PDE2A: variants seen among roughly 807,000 people sequenced by gnomAD.
PDE2A encodes the protein phosphodiesterase 2A, also known as cGMP-dependent 3',5'-cyclic phosphodiesterase.
In PDE2A, 53 loss-of-function variants were observed where a neutral mutation model predicts 133.6. The ratio of observed to expected loss-of-function variants is 0.40; its 90% CI spans 0.32 to 0.50. The LOEUF is 0.50. Among genes scored for constraint, PDE2A ranks in the 20% least tolerant of loss-of-function variants. The pLI is 0.73. For synonymous variants in PDE2A, 491 were observed against 490.2 expected, an observed-to-expected ratio of 1.00 and a Z score of -0.02; for missense variants, 796 against 1,232.4, an observed-to-expected ratio of 0.65 and a Z score of 5.30.
intron 1 of PDE2A, chr11:72,659,315 C>G (rs1001140896): frequency 6.6e-6 from 1 of 150,626 alleles, no homozygotes; most frequent in African/African-American, 2.5e-5. Flanking sequence ...GAGTCTGATC[C>G]GAATCCCTCC....
intron 2 of PDE2A, among the ~76,000 whole-genome samples, chr11:72,632,658 C>T (rs974123815): frequency 1.3e-5 from 2 of 152,126 alleles, no homozygotes; most frequent in Non-Finnish European, 2.9e-5. Context: ...ATCCACAAAG[C>T]CTGAGTCTTC....
At chr11:72,623,926 A>C in intron 2 of PDE2A, among the ~76,000 whole-genome samples, 1 of 149,298 alleles carries the variant, frequency 6.7e-6, no homozygotes. Flanking sequence ...CCCCTAACTT[A>C]TCTCCCCTCC....
At chr11:72,642,136 A>C in intron 2 of PDE2A, 118 bp downstream of exon 2, 1 of 1,286,018 alleles carries the variant, frequency 7.8e-7, no homozygotes, top group Non-Finnish European at 1.0e-6. Context: ...GCACAGGAGT[A>C]GAATTCAGAA....
At position 72,585,025 on chromosome 11, in the gene PDE2A, G is replaced by A. The variant is rs141720957; in HGVS notation, c.1287-81C>T. On this transcript the variant is annotated intron_variant, in intron 16 of 30. Transcript: ENST00000334456. ...CACGTCCCATAAGGAGGCAAAGGCC[G>A]GATTTCCGAGGCCTGGGAGGAGTGC... is the stretch of plus-strand genomic sequence containing the variant. 1.7e-3 allele frequency: 2,338 copies of A among 1,375,356 alleles called. 6 individuals carry two copies. Among genetic ancestry groups the A allele is most frequent in the Non-Finnish European group, 1.9e-3 (1,853 of 964,860 alleles). 85.2% of individuals were successfully genotyped at this position (1,375,356 alleles called of 1,614,324 possible). A position where few individuals can be genotyped will look rare whatever the true frequency, so the allele number is the denominator to read the frequency against.
intron 1 of PDE2A, among the ~76,000 whole-genome samples, chr11:72,667,706 A>G (rs1021216456): frequency 6.6e-5 from 10 of 152,020 alleles, no homozygotes; most frequent in African/African-American, 2.2e-4. Context: ...GGCAGAGAGG[A>G]GTAGGAGAGA....
rs112186039 is a variant in PDE2A at position 72,648,253 on chromosome 11, G to A, written c.72-5927C>T. Among the ~76,000 whole-genome samples the A allele has an allele frequency of 4.2e-3, 641 of 152,258 alleles. 7 individuals carry two copies. Among genetic ancestry groups the A allele is most frequent in the African/African-American group, 0.014 (577 of 41,548 alleles). On this transcript the variant is annotated intron_variant, in intron 1 of 30. Transcript: ENST00000334456. ...TCAGGAGAGGTACCTTCTGCCCAGGGATGCCTGCCTGGATACTGCCTCCTC... is the reference window on the plus strand; with the variant it reads ...TCAGGAGAGGTACCTTCTGCCCAGGAATGCCTGCCTGGATACTGCCTCCTC...
chr11:72,578,974 G>A lies in PDE2A; in HGVS notation c.2392C>T (p.Leu798Phe). Residue 798 changes from leucine to phenylalanine, a missense_variant, in exon 28 of 31, where the codon CTT becomes TTT. Leu to Phe is a conservative substitution (Grantham distance 22). Coordinates refer to ENST00000334456, the MANE Select transcript of PDE2A (RefSeq NM_002599.5). This position sits in a 1 kb window ranked among gnomAD's most constrained non-coding sequence, Gnocchi z 4.2. Reference protein sequence around the residue: ...YDRNNKQHHRLLLCLLMTSCD... With the variant: ...YDRNNKQHHRFLLCLLMTSCD... ...GAGGTCATGAGGAGGCAGAGGAGAA[G>A]TCTGTGGTGCTGCTTGTTGTTTCGG... is the stretch of plus-strand genomic sequence containing the variant. The A allele has an allele frequency of 6.2e-7, 1 of 1,613,938 alleles. No homozygotes were observed. Among genetic ancestry groups the A allele is most frequent in the Middle Eastern group, 1.6e-4 (1 of 6,062 alleles).
At chr11:72,622,370 T>C (rs555585390) in intron 2 of PDE2A, among the ~76,000 whole-genome samples, 42 of 152,300 alleles carry the variant, frequency 2.8e-4, no homozygotes, top group African/African-American at 9.4e-4. Context: ...TCTGAAAGAA[T>C]TGGAAGCAGG....
intron 4 of PDE2A, among the ~76,000 whole-genome samples, chr11:72,599,933 G>A (rs935942407): frequency 6.6e-6 from 1 of 152,238 alleles, no homozygotes; most frequent in African/African-American, 2.4e-5. Context: ...TGGAGTCAGA[G>A]AAGGCTTCCT....
chr11:72,649,882 C>G (rs1287321796), intron 1 of PDE2A, among the ~76,000 whole-genome samples: 1 of 152,156 alleles, frequency 6.6e-6, no homozygotes, highest in Non-Finnish European at 1.5e-5. Context: ...TTCTTAGCAG[C>G]TCTAACAACC....
Position 72,579,625 on chromosome 11 carries a change from G to A in PDE2A, c.2182-17C>T, listed in dbSNP as rs1309643478. On this transcript the variant is annotated splice_polypyrimidine_tract_variant and intron_variant, in intron 25 of 30. Coordinates refer to ENST00000334456, the MANE Select transcript of PDE2A (RefSeq NM_002599.5). ...GTGGTGCCTCTGGGGGGAGAGGAGT[G>A]ATGGGGGCCCAGCTGGGGCAGATGG... 5 of 1,592,860 alleles carry A rather than the reference G, an allele frequency of 3.1e-6. No homozygotes were observed. The African/African-American group carries it at 5.4e-5, about 17-fold the overall frequency.
chr11:72,622,548 G>T, intron 2 of PDE2A, among the ~76,000 whole-genome samples: 1 of 152,132 alleles, frequency 6.6e-6, no homozygotes. Context: ...CTACAACATG[G>T]GTAAAACTTG....
chr11:72,587,313 GC>G (rs1433473210), intron 13 of PDE2A, among the ~76,000 whole-genome samples: 1 of 152,138 alleles, frequency 6.6e-6, no homozygotes, highest in Admixed American at 6.6e-5. Flanking sequence ...CAGCTGAAGG[GC>G]TTCTGGAGCC....
rs1856550932 is a variant in PDE2A, at chr11:72,597,685, G to A, written c.324-66C>T. 3 of 1,090,188 alleles carry A rather than the reference G, an allele frequency of 2.8e-6. No homozygotes were observed. The highest frequency in any genetic ancestry group is 4.1e-6 in the Non-Finnish European group (3 of 725,968). The allele number at this position is 1,090,188 out of a possible 1,614,324, so 67.5% of individuals were successfully genotyped here. ...CAGGGAGGAACGAGGCCTGGCCTGG[G>A]AACACAGGACAGTTTGGACCCTGCA... On this transcript the variant is annotated intron_variant, in intron 4 of 30. Coordinates refer to ENST00000334456, the MANE Select transcript of PDE2A (RefSeq NM_002599.5). This position sits in a 1 kb window ranked among gnomAD's most constrained non-coding sequence, Gnocchi z 4.6.
chr11:72,615,638 C>T (rs1219977664), intron 2 of PDE2A, among the ~76,000 whole-genome samples: 1 of 152,000 alleles, frequency 6.6e-6, no homozygotes, highest in Non-Finnish European at 1.5e-5. Flanking sequence ...AGGGAAGAAC[C>T]GAGAGTGGTC....
In PDE2A at chr11:72,597,753, C is replaced by T. The variant is rs1198739678; in HGVS notation, c.324-134G>A. 8 of 611,662 alleles carry T rather than the reference C, an allele frequency of 1.3e-5. No individual in the cohort carries two copies. Among genetic ancestry groups the T allele is most frequent in the Non-Finnish European group, 2.0e-5 (7 of 343,926 alleles). 37.9% of individuals were successfully genotyped at this position (611,662 alleles called of 1,614,324 possible). Reference sequence around the variant, plus strand: ...GCAAGCTGACCTGCCTCAGGTTGGACACGATGACAGCACAAGTAAAAAAGT... The same window carrying T: ...GCAAGCTGACCTGCCTCAGGTTGGATACGATGACAGCACAAGTAAAAAAGT... On this transcript the variant is annotated intron_variant, in intron 4 of 30. Coordinates refer to ENST00000334456, the MANE Select transcript of PDE2A (RefSeq NM_002599.5). This position sits in a 1 kb window ranked among gnomAD's most constrained non-coding sequence, Gnocchi z 4.6.
At chr11:72,653,521 G>A (rs912019060) in intron 1 of PDE2A, among the ~76,000 whole-genome samples, 5 of 152,158 alleles carry the variant, frequency 3.3e-5, no homozygotes, top group Non-Finnish European at 7.3e-5. Flanking sequence ...AGGCAGAGTC[G>A]CAGGGGAGTG....
At position 72,604,148 on chromosome 11, in the gene PDE2A, C is replaced by T. The variant is rs145030555; in HGVS notation, c.323+990G>A. ...CCTGCCCAGTGCTCCCTGGGCCCCA[C>T]AATGGCCCTGCATTCAGTGCTTAGC... On this transcript the variant is annotated intron_variant, in intron 4 of 30. Transcript: ENST00000334456. Among the ~76,000 whole-genome samples, 64 of 152,366 alleles carry T rather than the reference C, an allele frequency of 4.2e-4. 2 individuals carry two copies. In the East Asian group the frequency reaches 9.1e-3, roughly 22 times the overall value.
At chr11:72,639,489 G>A (rs1858859559) in intron 2 of PDE2A, among the ~76,000 whole-genome samples, 1 of 152,142 alleles carries the variant, frequency 6.6e-6, no homozygotes, top group Non-Finnish European at 1.5e-5. Flanking sequence ...CCCAGCCTAA[G>A]CTGTTCTTAC....
Sources: allele counts gnomAD v4.1 joint callset (sites outside exome capture counted in the v4.1 genomes callset), GRCh38; gene constraint gnomAD v4.1.1; non-coding constraint Gnocchi (gnomAD v3.1); transcripts MANE v1.5; gene names NCBI Gene and HGNC (gene_info 2026-07-23, HGNC 2026-07-21).